Variants in REXO1 observed in about 807,000 individuals in gnomAD.
The protein encoded by REXO1 is REX1, RNA exonuclease 1 homolog.
In REXO1, 42 loss-of-function variants were observed where a neutral mutation model predicts 102.6. The ratio of observed to expected loss-of-function variants is 0.41; its 90% CI spans 0.32 to 0.53. REXO1 has a LOEUF of 0.53. REXO1 is among the 20% of genes least tolerant of loss of function. The pLI is 0.27. For synonymous variants in REXO1, 908 were observed against 779.1 expected, an observed-to-expected ratio of 1.17 and a Z score of -2.76; for missense variants, 1,819 against 1,732.5, an observed-to-expected ratio of 1.05 and a Z score of -0.89.
At position 1,845,191 on chromosome 19, in the gene REXO1, C is replaced by T. The variant is rs1348893744; in HGVS notation, c.157+3011G>A. 2.0e-5 allele frequency among the ~76,000 whole-genome samples: 3 copies of T among 152,322 alleles called. No individual in the cohort carries two copies. The East Asian group carries it at 5.8e-4, about 29-fold the overall frequency. On this transcript the variant is annotated intron_variant, in intron 1 of 15. Coordinates refer to ENST00000170168, the MANE Select transcript of REXO1 (RefSeq NM_020695.4). The stretch of plus-strand genomic sequence containing the variant: ...CACCAGGCTGCAGCCAAGGCCCAGG[C>T]AGCAGAGAGCGGCCACTGGGGGGAT...
chr19:1,816,641 G>GGGGGGGGGGGC, intron 13 of REXO1, 57 bp downstream of exon 13: 2 of 1,021,772 alleles, frequency 2.0e-6, no homozygotes, highest in Non-Finnish European at 1.5e-6. Context: ...GGGAGGGTGG[G>GGGGGGGGGGGC]TCCCTGGGGA....
Position 1,816,063 on chromosome 19 carries a change from G to C in REXO1, c.*3C>G. ...GGAGAGGCGGGTGGGAGGCGGGCAG[G>C]CGTCATCGCTTGGTCTTGGCGTCTT... On this transcript the variant is annotated 3_prime_UTR_variant, in exon 16 of 16. Transcript: ENST00000170168. The C allele has an allele frequency of 1.3e-6, 2 of 1,541,620 alleles. No individual in the cohort carries two copies. Among genetic ancestry groups the C allele is most frequent in the Non-Finnish European group, 1.7e-6 (2 of 1,146,956 alleles).
At position 1,815,354 on chromosome 19, in the gene REXO1, G is replaced by A. The variant is rs573361883; in HGVS notation, c.*712C>T. On this transcript the variant is annotated 3_prime_UTR_variant, in exon 16 of 16. Coordinates refer to ENST00000170168, the MANE Select transcript of REXO1 (RefSeq NM_020695.4). This position sits in a 1 kb window ranked among gnomAD's most constrained non-coding sequence, Gnocchi z 4.0. ...GGGCTCTAGCGGGAAGACAGTGTCC[G>A]GAGGCCGGTGGGCTCCCTCTAGACG... 1.0e-3 allele frequency: 160 copies of A among 157,164 alleles called. No individual in the cohort carries two copies. The highest frequency in any genetic ancestry group is 1.8e-3 in the Non-Finnish European group (126 of 71,072). 9.7% of individuals were successfully genotyped at this position (157,164 alleles called of 1,614,324 possible). A position where few individuals can be genotyped will look rare whatever the true frequency, so the allele number is the denominator to read the frequency against.
At chr19:1,819,716 C>T (rs1053477351) in intron 7 of REXO1, among the ~76,000 whole-genome samples, 1 of 152,228 alleles carries the variant, frequency 6.6e-6, no homozygotes, top group Non-Finnish European at 1.5e-5. Context: ...CCCCACTCAG[C>T]GGAGGAAGGC....
In REXO1 at chr19:1,820,253, C is replaced by T. The variant is rs1428136884; in HGVS notation, c.2526+11G>A. On this transcript the variant is annotated intron_variant, in intron 6 of 15. Transcript: ENST00000170168. ...CACCCGACCGGCCAGATAGGAACTC[C>T]AGGACCTCACCTTCTCTATGGCCTC... is the stretch of plus-strand genomic sequence containing the variant. The T allele has an allele frequency of 4.3e-6, 7 of 1,610,544 alleles. No individual in the cohort carries two copies. In the African/African-American group the frequency reaches 8.0e-5, roughly 18 times the overall value.
intron 9 of REXO1, 45 bp from the exon 10 acceptor site, chr19:1,818,640 C>G: frequency 1.2e-6 from 2 of 1,607,870 alleles, no homozygotes; most frequent in Non-Finnish European, 1.7e-6. Context: ...ACGCTGGGGC[C>G]CGCATGCCCG....
At position 1,819,935 on chromosome 19, in the gene REXO1, G is replaced by C; in HGVS notation, c.2649C>G (p.Ser883Arg). 6.3e-7 allele frequency: 1 copy of C among 1,577,434 alleles called. No homozygotes were observed. Among genetic ancestry groups the C allele is most frequent in the Non-Finnish European group, 8.6e-7 (1 of 1,164,930 alleles). The change falls in exon 7 of 16, where the codon AGC (serine) becomes AGG (arginine). Residue 883 changes from serine (S) to arginine (R), a missense_variant and splice_region_variant. Physicochemically the swap from Ser to Arg is moderately radical, Grantham distance 110. Coordinates refer to ENST00000170168, the MANE Select transcript of REXO1 (RefSeq NM_020695.4). ...GLAPSAVPGL[S>R]KTSGRRVVSH... Reference sequence around the variant, plus strand: ...CCCCGCCCACCCGCCAGGACTCACTGCTGAGGCCGGGCACAGCGCTGGGGG... The same window carrying C: ...CCCCGCCCACCCGCCAGGACTCACTCCTGAGGCCGGGCACAGCGCTGGGGG...
chr19:1,825,784 C>CT (rs1177766909), intron 3 of REXO1, 55 bp downstream of exon 3: 30 of 1,092,484 alleles, frequency 2.7e-5, no homozygotes, highest in Admixed American at 1.9e-4. Flanking sequence ...CCAACCTCGT[C>CT]TTTAAAAAAA....
At chr19:1,817,093 G>A (rs997069400) in intron 12 of REXO1, 126 bp downstream of exon 12, 92 of 1,169,296 alleles carry the variant, frequency 7.9e-5, no homozygotes, top group Middle Eastern at 2.9e-4. Context: ...CACAGGCACC[G>A]GTGCTGCGAG....
intron 3 of REXO1, among the ~76,000 whole-genome samples, chr19:1,825,400 G>A (rs1056122808): frequency 6.6e-6 from 1 of 151,846 alleles, no homozygotes; most frequent in Non-Finnish European, 1.5e-5. Context: ...CCAACGCTGG[G>A]AAGCCGAGGC....
chr19:1,823,492 G>A lies in REXO1; in HGVS notation c.2230+80C>T, dbSNP rs1352310056. The A allele has an allele frequency of 2.9e-6, 3 of 1,042,260 alleles. No homozygotes were observed. The East Asian group carries it at 9.7e-5, about 34-fold the overall frequency. The allele number at this position is 1,042,260 out of a possible 1,614,324, so 64.6% of individuals were successfully genotyped here. A position where few individuals can be genotyped will look rare whatever the true frequency, so the allele number is the denominator to read the frequency against. On this transcript the variant is annotated intron_variant, in intron 4 of 15. Coordinates refer to ENST00000170168, the MANE Select transcript of REXO1 (RefSeq NM_020695.4). The stretch of plus-strand genomic sequence containing the variant: ...AGCAAGCACCATGTGGTTCAGGTGA[G>A]CTCAGAGACCTCAGGGTGCCACCTC...
Position 1,827,501 on chromosome 19 carries a change from G to C in REXO1, c.1288C>G (p.Pro430Ala). The C allele has an allele frequency of 6.3e-7, 1 of 1,581,508 alleles. No individual in the cohort carries two copies. Among genetic ancestry groups the C allele is most frequent in the Non-Finnish European group, 8.5e-7 (1 of 1,173,354 alleles). The stretch of plus-strand genomic sequence containing the variant: ...GATGGCTTCTTCTTGGTCCCTTCCG[G>C]CCGCTCTGCCTTGCGCCGGGGGCTG... ...ASSPRRKAER[P>A]EGTKKKPSSA... The change falls in exon 2 of 16, where the codon CCG (proline) becomes GCG (alanine). Residue 430 changes from proline (P) to alanine (A), a missense_variant. Physicochemically the swap from Pro to Ala is conservative, Grantham distance 27. Transcript: ENST00000170168.
Position 1,823,780 on chromosome 19 carries a change from C to T in REXO1, c.2022G>A (p.Glu674=), listed in dbSNP as rs1251894415. Residue 674 remains glutamate, a synonymous_variant, in exon 4 of 16, where the codon GAG becomes GAA. Transcript: ENST00000170168. Reference sequence around the variant, plus strand: ...GCACCGCGGGACCCCTCCTCGGGGGCTCCACCTGCGTCACCACAAATGCTA... The same window carrying T: ...GCACCGCGGGACCCCTCCTCGGGGGTTCCACCTGCGTCACCACAAATGCTA... ...SHLSKQGQEV[E]PPRRGPAVPP... is the part of the protein sequence containing the mutation. 4 of 1,238,108 alleles carry T rather than the reference C, an allele frequency of 3.2e-6. No homozygotes were observed. The highest frequency in any genetic ancestry group is 1.5e-5 in the African/African-American group (1 of 64,878). The allele number at this position is 1,238,108 out of a possible 1,614,324, so 76.7% of individuals were successfully genotyped here.
rs1354581628 is a variant in REXO1, at chr19:1,828,197, C to T, written c.592G>A (p.Ala198Thr). ...ACAGCCTTGGGGACGTATTCCAGGG[C>T]ACCGCCACCCCCTCCACCTCTGCCC... The part of the protein sequence containing the change: ...GQGRGGGGGG[A>T]LEYVPKAVSQ... The change falls in exon 2 of 16, where the codon GCC becomes ACC. Residue 198 changes from alanine (A) to threonine (T), a missense_variant. Ala to Thr is a moderately conservative substitution (Grantham distance 58). Coordinates refer to ENST00000170168, the MANE Select transcript of REXO1 (RefSeq NM_020695.4). 1.9e-6 allele frequency: 3 copies of T among 1,605,596 alleles called. No homozygotes were observed. The highest frequency in any genetic ancestry group is 1.7e-6 in the Non-Finnish European group (2 of 1,177,196).
intron 1 of REXO1, among the ~76,000 whole-genome samples, chr19:1,844,046 G>GC (rs2145337334): frequency 6.6e-6 from 1 of 152,390 alleles, no homozygotes; most frequent in East Asian, 1.9e-4. Flanking sequence ...CACCTGCCTA[G>GC]CAGGGGTATG....
Position 1,827,552 on chromosome 19 carries a change from C to T in REXO1, c.1237G>A (p.Ala413Thr). The change falls in exon 2 of 16, where the codon GCG (alanine) becomes ACG (threonine). Residue 413 changes from alanine (A) to threonine (T), a missense_variant. Transcript: ENST00000170168. ...CTGGCCTGCGGGCCCTTCTTGTCCG[C>T]ACGGGGCTTCTCCACAGGCCGCCCT... ...GRGRPVEKPR[A>T]DKKGPQASSP... 6.3e-7 allele frequency: 1 copy of T among 1,594,248 alleles called. No individual in the cohort carries two copies.
intron 12 of REXO1, 128 bp from the exon 13 acceptor site, chr19:1,816,941 A>G (rs975331325): frequency 1.7e-5 from 13 of 772,684 alleles, no homozygotes; most frequent in Non-Finnish European, 2.8e-5. Flanking sequence ...TGGGACTTCT[A>G]GGAGAGGCCG....
chr19:1,836,227 C>G (rs116376019), intron 1 of REXO1, among the ~76,000 whole-genome samples: 1 of 152,192 alleles, frequency 6.6e-6, no homozygotes. Flanking sequence ...CAACCCCACA[C>G]GGAGACTGAA....
At position 1,821,536 on chromosome 19, in the gene REXO1, G is replaced by A; in HGVS notation, c.2377C>T (p.His793Tyr). 1 of 1,613,856 alleles carries A rather than the reference G, an allele frequency of 6.2e-7. No individual in the cohort carries two copies. Among genetic ancestry groups the A allele is most frequent in the Non-Finnish European group, 8.5e-7 (1 of 1,179,856 alleles). Residue 793 changes from histidine (H) to tyrosine (Y), a missense_variant, in exon 5 of 16, where the codon CAC becomes TAC. Transcript: ENST00000170168. ...TTTIIPKRIA[H>Y]SPSLQSLKKP... ...GGGGCTACCTGTAAGGATGGACTGT[G>A]GGCGATTCGCTTAGGGATGATGGTG...
Sources: allele counts gnomAD v4.1 joint callset (sites outside exome capture counted in the v4.1 genomes callset), GRCh38; gene constraint gnomAD v4.1.1; non-coding constraint Gnocchi (gnomAD v3.1); transcripts MANE v1.5; gene names NCBI Gene and HGNC (gene_info 2026-07-23, HGNC 2026-07-21).